Variants in CADM2 observed in about 807,000 individuals in gnomAD.
CADM2 encodes the protein cell adhesion molecule 2.
A neutral mutation model predicts 49.8 loss-of-function variants in CADM2; 12 were observed. The observed-to-expected ratio is 0.24, with a 90% CI of 0.15 to 0.39. CADM2 has a LOEUF of 0.39. CADM2 is among the 10% of genes least tolerant of loss of function. The pLI is 1.00. For missense variants in CADM2, 378 were observed against 492.3 expected, an observed-to-expected ratio of 0.77 and a Z score of 2.20; for synonymous variants, 214 against 175.4, an observed-to-expected ratio of 1.22 and a Z score of -1.74.
chr3:85,540,096 T>G (rs62252519), intron 1 of CADM2, among the ~76,000 whole-genome samples: 1 of 151,882 alleles, frequency 6.6e-6, no homozygotes, highest in Admixed American at 6.6e-5. Flanking sequence ...TTTTAATGGA[T>G]TTCTTACTTT....
At chr3:85,462,468 G>A (rs2038292804) in intron 1 of CADM2, among the ~76,000 whole-genome samples, 1 of 152,102 alleles carries the variant, frequency 6.6e-6, no homozygotes, top group Admixed American at 6.5e-5. Context: ...CATCTACAAA[G>A]CTTGATTCAT....
chr3:85,577,171 C>T (rs1308003380), intron 1 of CADM2, among the ~76,000 whole-genome samples: 1 of 152,154 alleles, frequency 6.6e-6, no homozygotes, highest in Non-Finnish European at 1.5e-5. Context: ...ATTCACCATT[C>T]ATAAATTACT....
intron 1 of CADM2, among the ~76,000 whole-genome samples, chr3:85,544,894 G>T (rs896438569): frequency 6.6e-6 from 1 of 151,914 alleles, no homozygotes; most frequent in Admixed American, 6.6e-5. Flanking sequence ...GAAAGGAAGA[G>T]AAAAAATAGA....
intron 1 of CADM2, among the ~76,000 whole-genome samples, chr3:85,185,766 C>T (rs1179537039): frequency 1.3e-5 from 2 of 152,086 alleles, no homozygotes; most frequent in South Asian, 2.1e-4. Context: ...ACTTAAGGAC[C>T]TTTAAAATAA....
chr3:85,590,218 T>C (rs1407996428), intron 1 of CADM2, among the ~76,000 whole-genome samples: 2 of 151,952 alleles, frequency 1.3e-5, no homozygotes, highest in African/African-American at 4.8e-5. Flanking sequence ...TCTAGGGAAA[T>C]ATATTTTGCT....
chr3:86,005,823 T>C (rs1730720167), intron 8 of CADM2, among the ~76,000 whole-genome samples: 2 of 152,140 alleles, frequency 1.3e-5, no homozygotes, highest in Admixed American at 1.3e-4. Flanking sequence ...TTCTAACAAT[T>C]TTTTGTACCC....
At chr3:85,958,042 A>G (rs930406920) in intron 7 of CADM2, among the ~76,000 whole-genome samples, 1 of 151,980 alleles carries the variant, frequency 6.6e-6, no homozygotes, top group Non-Finnish European at 1.5e-5. Flanking sequence ...TTTGCAATCT[A>G]CCCATCTGAC....
At chr3:85,311,987 A>G (rs577814596) in intron 1 of CADM2, among the ~76,000 whole-genome samples, 1 of 152,170 alleles carries the variant, frequency 6.6e-6, no homozygotes, top group Non-Finnish European at 1.5e-5. Flanking sequence ...GTACCAAAAT[A>G]TTTCTATTTG....
At chr3:85,461,307 A>T (rs1184415076) in intron 1 of CADM2, among the ~76,000 whole-genome samples, 1 of 152,146 alleles carries the variant, frequency 6.6e-6, no homozygotes, top group Non-Finnish European at 1.5e-5. Flanking sequence ...GACACAAGTC[A>T]GCAACTTCAG....
At chr3:85,986,848 C>CA (rs1327086116) in intron 8 of CADM2, among the ~76,000 whole-genome samples, 9 of 152,124 alleles carry the variant, frequency 5.9e-5, no homozygotes, top group Middle Eastern at 3.4e-3. Flanking sequence ...GGAGTGGCTG[C>CA]AGGCAGGATG....
chr3:85,432,963 C>T (rs999209298), intron 1 of CADM2, among the ~76,000 whole-genome samples: 4 of 151,846 alleles, frequency 2.6e-5, no homozygotes, highest in African/African-American at 9.7e-5. Context: ...GTTTGATATT[C>T]ATTTGAGAAA....
chr3:85,902,142 T>A (rs1382301889), intron 5 of CADM2, among the ~76,000 whole-genome samples: 1 of 152,122 alleles, frequency 6.6e-6, no homozygotes, highest in African/African-American at 2.4e-5. Flanking sequence ...CTTGAGTATA[T>A]TCCTGAGAAC....
chr3:85,811,863 T>C (rs1295744938), intron 3 of CADM2, among the ~76,000 whole-genome samples: 1 of 151,742 alleles, frequency 6.6e-6, no homozygotes, highest in Non-Finnish European at 1.5e-5. Context: ...TGATGTTTTT[T>C]TTTTTTTTTT....
chr3:85,032,158 G>A (rs542183414), intron 1 of CADM2, among the ~76,000 whole-genome samples: 1 of 151,612 alleles, frequency 6.6e-6, no homozygotes, highest in Non-Finnish European at 1.5e-5. Context: ...AAATAAATAA[G>A]TGGCTATATT....
chr3:85,157,555 T>A (rs2107659940), intron 1 of CADM2, among the ~76,000 whole-genome samples: 1 of 152,250 alleles, frequency 6.6e-6, no homozygotes, highest in African/African-American at 2.4e-5. Flanking sequence ...AACTATCTGA[T>A]CTTTGACAAA....
intron 1 of CADM2, among the ~76,000 whole-genome samples, chr3:85,125,775 G>T (rs1308025738): frequency 1.3e-5 from 2 of 152,060 alleles, no homozygotes; most frequent in Non-Finnish European, 2.9e-5. Flanking sequence ...CAAAATTATG[G>T]CACGTGTAAT....
chr3:85,493,375 C>T (rs1414039370), intron 1 of CADM2, among the ~76,000 whole-genome samples: 4 of 151,938 alleles, frequency 2.6e-5, no homozygotes, highest in African/African-American at 7.3e-5. Context: ...AAAAGTGTCC[C>T]GCTAAGATAA....
chr3:85,902,763 A>G (rs1246284684), intron 5 of CADM2, among the ~76,000 whole-genome samples: 2 of 151,610 alleles, frequency 1.3e-5, no homozygotes, highest in African/African-American at 4.8e-5. Context: ...ATATATATTA[A>G]CTTATCAGAA....
At chr3:84,975,320 T>C (rs961009560) in intron 1 of CADM2, among the ~76,000 whole-genome samples, 1 of 151,874 alleles carries the variant, frequency 6.6e-6, no homozygotes, top group Non-Finnish European at 1.5e-5. Context: ...GTAATAATTA[T>C]AGCTTCTTTC....
Sources: allele counts gnomAD v4.1 joint callset (sites outside exome capture counted in the v4.1 genomes callset), GRCh38; gene constraint gnomAD v4.1.1; transcripts MANE v1.5; gene names NCBI Gene and HGNC (gene_info 2026-07-23, HGNC 2026-07-21).